Variants in BICC1 observed in about 807,000 individuals in gnomAD.
The protein encoded by BICC1 is protein bicaudal C homolog 1.
In BICC1, 43 loss-of-function variants were observed where a neutral mutation model predicts 111.0. The ratio of observed to expected loss-of-function variants is 0.39; its 90% confidence interval spans 0.30 to 0.50. The LOEUF (loss-of-function observed/expected upper bound fraction) is 0.50. Ranked by LOEUF, BICC1 falls within the 20% of genes least tolerant of loss-of-function variation. BICC1 has a pLI of 0.88. For missense variants in BICC1, 1,091 were observed against 1,203.2 expected (o/e 0.91, Z 1.38); for synonymous variants, 467 against 434.4 (o/e 1.07, Z -0.93).
chr10:58,782,352 A>G (rs1319759221), intron 3 of BICC1, among the ~76,000 whole-genome samples: 2 of 152,224 alleles, frequency 1.3e-5, no homozygotes, highest in African/African-American at 4.8e-5. Flanking sequence ...AAAAATACAA[A>G]TTTATCCTAT....
chr10:58,688,968 T>A (rs1839834568), intron 2 of BICC1, among the ~76,000 whole-genome samples: 1 of 152,144 alleles, frequency 6.6e-6, no homozygotes, highest in Non-Finnish European at 1.5e-5. Context: ...CCATGGCACA[T>A]GTATACCTGT....
chr10:58,823,462 A>G, intron 20 of BICC1: 1 of 984,468 alleles, frequency 1.0e-6, no homozygotes, highest in Non-Finnish European at 1.2e-6. Context: ...ATCACATTTA[A>G]AAACATATGT....
At chr10:58,757,910 G>GC (rs1842189955) in intron 3 of BICC1, among the ~76,000 whole-genome samples, 1 of 152,100 alleles carries the variant, frequency 6.6e-6, no homozygotes, top group Admixed American at 6.5e-5. Context: ...TTGGCAGTCA[G>GC]CAACACTGTG....
intron 3 of BICC1, among the ~76,000 whole-genome samples, chr10:58,714,871 TA>T (rs544106801): frequency 0.018 from 2,092 of 117,510 alleles, 18 homozygotes; most frequent in African/African-American, 0.04. Flanking sequence ...TCTCATTAGC[TA>T]AAAAAAAAAA....
At chr10:58,671,328 A>T (rs992157746) in intron 2 of BICC1, among the ~76,000 whole-genome samples, 1 of 152,206 alleles carries the variant, frequency 6.6e-6, no homozygotes, top group East Asian at 1.9e-4. Context: ...CAGAGACCTC[A>T]GTAACCCAAG....
intron 3 of BICC1, among the ~76,000 whole-genome samples, chr10:58,740,380 C>T (rs1258809347): frequency 2.0e-5 from 3 of 151,954 alleles, no homozygotes; most frequent in African/African-American, 7.3e-5. Flanking sequence ...TGTGCTGTTC[C>T]CTGAAACTCC....
chr10:58,788,450 A>G (rs776206792), intron 6 of BICC1, 27 bp downstream of exon 6: 1 of 1,506,412 alleles, frequency 6.6e-7, no homozygotes, highest in Admixed American at 1.7e-5. Flanking sequence ...TTAACATTGT[A>G]AATTGATGTC....
At chr10:58,637,012 G>GA (rs1371460660) in intron 2 of BICC1, among the ~76,000 whole-genome samples, 1 of 151,150 alleles carries the variant, frequency 6.6e-6, no homozygotes, top group Admixed American at 6.6e-5. Context: ...TTAGTTGCTT[G>GA]AAAAAAACCA....
chr10:58,815,252 T>C (rs1373715907), intron 18 of BICC1, among the ~76,000 whole-genome samples: 1 of 152,000 alleles, frequency 6.6e-6, no homozygotes, highest in East Asian at 1.9e-4. Flanking sequence ...TTATCAGGAG[T>C]CTCAGATTTG....
At chr10:58,665,755 C>T (rs1299547707) in intron 2 of BICC1, among the ~76,000 whole-genome samples, 4 of 152,278 alleles carry the variant, frequency 2.6e-5, no homozygotes, top group South Asian at 4.1e-4. Flanking sequence ...TTAAAACCCA[C>T]GCTGTAGACC....
intron 2 of BICC1, among the ~76,000 whole-genome samples, chr10:58,624,501 T>C (rs1422243860): frequency 6.6e-6 from 1 of 152,250 alleles, no homozygotes; most frequent in South Asian, 2.1e-4. Context: ...TCTATTTTTT[T>C]AATCACAAGT....
intron 2 of BICC1, among the ~76,000 whole-genome samples, chr10:58,653,525 G>A (rs958872927): frequency 6.6e-6 from 1 of 152,118 alleles, no homozygotes. Context: ...CAGTGAAAAT[G>A]TGGTTCAGCA....
intron 2 of BICC1, among the ~76,000 whole-genome samples, chr10:58,696,041 A>AT (rs1840055535): frequency 6.6e-6 from 1 of 152,180 alleles, no homozygotes. Flanking sequence ...ATTACAAAAA[A>AT]TTTGTAATTC....
intron 3 of BICC1, among the ~76,000 whole-genome samples, chr10:58,712,726 A>G (rs1229676022): frequency 6.6e-6 from 1 of 152,246 alleles, no homozygotes; most frequent in Non-Finnish European, 1.5e-5. Context: ...GGCAGAGCAC[A>G]GAGCATTCTT....
intron 2 of BICC1, among the ~76,000 whole-genome samples, chr10:58,674,380 T>A (rs1839276454): frequency 6.6e-6 from 1 of 151,706 alleles, no homozygotes; most frequent in Admixed American, 6.6e-5. Context: ...AGTGAAGGGG[T>A]GTTAGTGAAT....
intron 1 of BICC1, among the ~76,000 whole-genome samples, chr10:58,578,422 T>C (rs990240229): frequency 2.6e-5 from 4 of 152,228 alleles, no homozygotes; most frequent in African/African-American, 9.6e-5. Flanking sequence ...ATCACCCTAA[T>C]TGATAGAAAA....
intron 2 of BICC1, among the ~76,000 whole-genome samples, chr10:58,673,440 G>C (rs1301244310): frequency 6.6e-6 from 1 of 152,094 alleles, no homozygotes; most frequent in Non-Finnish European, 1.5e-5. Flanking sequence ...GCAGCCTTTA[G>C]CCCTGTGCCT....
intron 1 of BICC1, among the ~76,000 whole-genome samples, chr10:58,588,357 C>T (rs1006141109): frequency 7.2e-5 from 11 of 152,080 alleles, no homozygotes; most frequent in East Asian, 1.9e-4. Context: ...GAGGTGCTGG[C>T]GGGTGCATGG....
intron 1 of BICC1, 135 bp from the exon 2 acceptor site, chr10:58,620,718 CAT>C: frequency 1.5e-6 from 1 of 671,198 alleles, no homozygotes; most frequent in South Asian, 1.9e-5. Flanking sequence ...CCCAGTGAGG[CAT>C]ATTAGCAGGC....
Sources: gnomAD v4.1 joint callset for allele counts (sites outside exome capture counted in the v4.1 genomes callset) on GRCh38, gnomAD v4.1.1 for gene constraint, MANE v1.5 for transcripts, NCBI Gene and HGNC (gene_info 2026-07-23, HGNC 2026-07-21) for gene names.